The following EIF3H variants were observed in gnomAD, a reference collection of about 807,000 sequenced individuals.
The protein encoded by EIF3H is eukaryotic translation initiation factor 3 subunit H, also known as eIF-3-gamma.
A neutral mutation model predicts 44.2 loss-of-function variants in EIF3H; 26 were observed. That is an observed-to-expected ratio of 0.59 (90% CI 0.43 to 0.82). The LOEUF (loss-of-function observed/expected upper bound fraction) is 0.82. EIF3H is among the 40% of genes least tolerant of loss of function. The probability of loss-of-function intolerance (pLI) is 0.00; values close to 1 mark genes in which losing one functional copy is unlikely to be tolerated. For missense variants in EIF3H, 359 were observed against 432.8 expected (o/e 0.83, Z 1.51); for synonymous variants, 166 against 151.9 (o/e 1.09, Z -0.68).
intron 6 of EIF3H, 52 bp from the exon 7 acceptor site, chr8:116,646,655 A>T (rs1470846847): frequency 2.5e-6 from 4 of 1,600,606 alleles, no homozygotes; most frequent in Non-Finnish European, 2.6e-6. Flanking sequence ...CTGAGGAGGA[A>T]AAAAAGATGT....
At chr8:116,740,425 C>T (rs1297581038) in intron 1 of EIF3H, among the ~76,000 whole-genome samples, 3 of 152,134 alleles carry the variant, frequency 2.0e-5, no homozygotes, top group Non-Finnish European at 2.9e-5. Context: ...AGGCATACTC[C>T]TCCACTGAGG....
chr8:116,683,316 T>C (rs1327231064), intron 2 of EIF3H, among the ~76,000 whole-genome samples: 1 of 152,136 alleles, frequency 6.6e-6, no homozygotes, highest in East Asian at 1.9e-4. Context: ...AAGTCTAAGA[T>C]CAAAGCTGCC....
At chr8:116,762,925 C>T (rs1319041101) in intron 1 of EIF3H, among the ~76,000 whole-genome samples, 6 of 152,026 alleles carry the variant, frequency 3.9e-5, no homozygotes, top group Non-Finnish European at 7.4e-5. Context: ...CCATAGGCAA[C>T]AGAGCGAGAC....
At chr8:116,719,178 G>A (rs930183852) in intron 2 of EIF3H, among the ~76,000 whole-genome samples, 1 of 152,114 alleles carries the variant, frequency 6.6e-6, no homozygotes, top group African/African-American at 2.4e-5. Context: ...AACAGCACTT[G>A]GCAAGTTTGT....
At chr8:116,731,019 A>G (rs1472551044) in intron 1 of EIF3H, among the ~76,000 whole-genome samples, 2 of 152,242 alleles carry the variant, frequency 1.3e-5, no homozygotes, top group African/African-American at 4.8e-5. Context: ...TAAATGAGTG[A>G]TACCAAACTG....
intron 2 of EIF3H, among the ~76,000 whole-genome samples, chr8:116,662,678 T>A (rs531633152): frequency 1.3e-5 from 2 of 152,236 alleles, no homozygotes; most frequent in Admixed American, 1.3e-4. Context: ...CTGCAAAAGC[T>A]TCCTGGTAAA....
chr8:116,670,095 C>T (rs966336366), intron 2 of EIF3H, among the ~76,000 whole-genome samples: 4 of 152,212 alleles, frequency 2.6e-5, no homozygotes, highest in African/African-American at 9.6e-5. Context: ...CCCAGGAATC[C>T]TTATCCTGGG....
rs183343021 is a variant in EIF3H at position 116,734,217 on chromosome 8, T to C, written c.133-8045A>G. ...TTAGGAAAATTAATGTGATTACAGA[T>C]TGCGGAAATTGCTAAGAAAAGGGGA... On this transcript the variant is annotated intron_variant, in intron 1 of 7. Coordinates refer to ENST00000521861, the MANE Select transcript of EIF3H (RefSeq NM_003756.3). 31 of 452,432 alleles carry C rather than the reference T, an allele frequency of 6.9e-5. No homozygotes were observed. The East Asian group carries it at 1.4e-3, about 20-fold the overall frequency. The allele number at this position is 452,432 out of a possible 1,614,324, so 28.0% of individuals were successfully genotyped here.
chr8:116,653,371 A>ACACACACACACACG (rs59686939), intron 5 of EIF3H, among the ~76,000 whole-genome samples: 4 of 151,720 alleles, frequency 2.6e-5, no homozygotes, highest in Non-Finnish European at 5.9e-5. Flanking sequence ...ACACACACAC[A>ACACACACACACACG]ATCTGTGTAC....
intron 1 of EIF3H, among the ~76,000 whole-genome samples, chr8:116,735,889 T>C (rs1815029734): frequency 6.6e-6 from 1 of 152,070 alleles, no homozygotes; most frequent in African/African-American, 2.4e-5. Flanking sequence ...GGTGTGCAAC[T>C]GTGTTTTGAC....
intron 2 of EIF3H, among the ~76,000 whole-genome samples, chr8:116,699,724 T>C (rs1354184377): frequency 1.3e-5 from 2 of 152,194 alleles, no homozygotes; most frequent in Admixed American, 6.5e-5. Flanking sequence ...TAAATACATA[T>C]AAATGAATGC....
At chr8:116,751,029 G>A (rs1403947840) in intron 1 of EIF3H, among the ~76,000 whole-genome samples, 6 of 151,396 alleles carry the variant, frequency 4.0e-5, no homozygotes, top group African/African-American at 1.2e-4. Context: ...CGGCTAAAAC[G>A]GTGAAACCCC....
chr8:116,703,180 T>C (rs1325413335), intron 2 of EIF3H, among the ~76,000 whole-genome samples: 1 of 152,096 alleles, frequency 6.6e-6, no homozygotes, highest in Non-Finnish European at 1.5e-5. Flanking sequence ...TATTCCAAAA[T>C]AATAATCTTT....
rs1222525029 is a variant in EIF3H at position 116,690,175 on chromosome 8, CAAAG to C, written c.290-31199_290-31196del. On this transcript the variant is annotated intron_variant, in intron 2 of 7. Coordinates refer to ENST00000521861, the MANE Select transcript of EIF3H (RefSeq NM_003756.3). Reference sequence around the variant, plus strand: ...TCTACTATTTTGTGTTAAGTGAAAGCAAAGAGCTAGCATAGATCTCAGAGATGAC... The same window carrying C: ...TCTACTATTTTGTGTTAAGTGAAAGCAGCTAGCATAGATCTCAGAGATGAC... Among the ~76,000 whole-genome samples the C allele has an allele frequency of 2.0e-5, 3 of 152,088 alleles. No homozygotes were observed. The East Asian group carries it at 5.8e-4, about 29-fold the overall frequency.
chr8:116,655,729 A>G, intron 5 of EIF3H, 127 bp downstream of exon 5: 1 of 977,558 alleles, frequency 1.0e-6, no homozygotes. Context: ...TCCATGTTAT[A>G]CATGTTTTAA....
intron 1 of EIF3H, among the ~76,000 whole-genome samples, chr8:116,747,964 A>G (rs2130980375): frequency 6.6e-6 from 1 of 152,252 alleles, no homozygotes; most frequent in African/African-American, 2.4e-5. Context: ...ACAAAAAATT[A>G]GCCAGGCGTG....
chr8:116,657,412 C>T, intron 3 of EIF3H, 98 bp from the exon 4 acceptor site: 4 of 854,542 alleles, frequency 4.7e-6, no homozygotes, highest in Non-Finnish European at 7.5e-6. Flanking sequence ...ATCGCACAAT[C>T]TTTGCAAAAT....
chr8:116,687,634 TA>T (rs1405357656), intron 2 of EIF3H, among the ~76,000 whole-genome samples: 2 of 152,186 alleles, frequency 1.3e-5, no homozygotes, highest in East Asian at 3.8e-4. Flanking sequence ...GGCATTTTTA[TA>T]GGATTTTAAA....
intron 2 of EIF3H, among the ~76,000 whole-genome samples, chr8:116,714,684 T>C (rs1814631876): frequency 2.6e-5 from 4 of 152,040 alleles, no homozygotes; most frequent in Admixed American, 2.6e-4. Flanking sequence ...CTAACAGTTC[T>C]ACCAAAAATA....
Sources: allele counts gnomAD v4.1 joint callset (sites outside exome capture counted in the v4.1 genomes callset), GRCh38; gene constraint gnomAD v4.1.1; transcripts MANE v1.5; gene names NCBI Gene and HGNC (gene_info 2026-07-23, HGNC 2026-07-21).